Variants in SLC12A1 observed in about 807,000 individuals in gnomAD.
SLC12A1 encodes the protein Na-K-2Cl cotransporter.
A neutral mutation model predicts 130.4 loss-of-function variants in SLC12A1; 89 were observed. The observed-to-expected ratio is 0.68, with a 90% CI of 0.58 to 0.81. SLC12A1 has a LOEUF of 0.81. Ranked by LOEUF, SLC12A1 falls within the 40% of genes least tolerant of loss-of-function variation. The probability of loss-of-function intolerance (pLI) is 0.00; values close to 1 mark genes in which losing one functional copy is unlikely to be tolerated. For synonymous variants in SLC12A1, 499 were observed against 460.0 expected (o/e 1.08, Z -1.09); for missense variants, 1,310 against 1,336.4 (o/e 0.98, Z 0.31).
chr15:48,208,192 A>G, intron 2 of SLC12A1, 53 bp downstream of exon 2: 1 of 1,493,840 alleles, frequency 6.7e-7, no homozygotes, highest in East Asian at 2.3e-5. Flanking sequence ...ACTTCAGATA[A>G]TTTCCTTCTC....
intron 14 of SLC12A1, among the ~76,000 whole-genome samples, chr15:48,250,113 G>C (rs1176608712): frequency 6.6e-6 from 1 of 152,226 alleles, no homozygotes; most frequent in East Asian, 1.9e-4. Flanking sequence ...AGGCAATGTA[G>C]ACAGGCTGCA....
chr15:48,301,502 T>TTTGAGGGG, intron 26 of SLC12A1, 120 bp downstream of exon 26: 1 of 429,450 alleles, frequency 2.3e-6, no homozygotes, highest in South Asian at 3.6e-5. Flanking sequence ...GTGTTTTTTT[T>TTTGAGGGG]GGGGGGGGGA....
intron 20 of SLC12A1, among the ~76,000 whole-genome samples, chr15:48,280,087 G>C (rs901790009): frequency 2.0e-5 from 3 of 146,446 alleles, no homozygotes; most frequent in African/African-American, 7.5e-5. Flanking sequence ...TCTGGTGTCA[G>C]ATAATTAACG....
chr15:48,209,104 C>T (rs1225822583), intron 2 of SLC12A1, among the ~76,000 whole-genome samples: 1 of 152,158 alleles, frequency 6.6e-6, no homozygotes, highest in East Asian at 1.9e-4. Context: ...TCTTGTTGCC[C>T]GGGCTGGAGT....
intron 18 of SLC12A1, 126 bp from the exon 19 acceptor site, chr15:48,269,532 A>C (rs554351468): frequency 1.7e-5 from 9 of 526,636 alleles, no homozygotes; most frequent in African/African-American, 1.5e-4. Flanking sequence ...CATGCACTAA[A>C]ATGTAATCTA....
chr15:48,209,736 T>C (rs2041029875), intron 2 of SLC12A1, among the ~76,000 whole-genome samples: 1 of 152,150 alleles, frequency 6.6e-6, no homozygotes, highest in Non-Finnish European at 1.5e-5. Context: ...AAAATCCATC[T>C]CCAAATCGTA....
intron 25 of SLC12A1, among the ~76,000 whole-genome samples, chr15:48,299,875 G>C (rs569196137): frequency 6.6e-6 from 1 of 152,110 alleles, no homozygotes; most frequent in South Asian, 2.1e-4. Context: ...AGGGCAGGGG[G>C]TCAACAACTA....
intron 17 of SLC12A1, among the ~76,000 whole-genome samples, chr15:48,261,462 A>G (rs946680449): frequency 2.0e-5 from 3 of 152,196 alleles, no homozygotes; most frequent in African/African-American, 7.2e-5. Flanking sequence ...CTCTCCATGC[A>G]GGGCCCAAGA....
At chr15:48,264,568 A>G (rs1409996539) in intron 17 of SLC12A1, among the ~76,000 whole-genome samples, 1 of 152,192 alleles carries the variant, frequency 6.6e-6, no homozygotes, top group Non-Finnish European at 1.5e-5. Flanking sequence ...TGTTAATAAA[A>G]TAGTGACATG....
At chr15:48,298,045 AAGGCTCACTAGT>A (rs1228622600) in intron 24 of SLC12A1, among the ~76,000 whole-genome samples, 2 of 152,246 alleles carry the variant, frequency 1.3e-5, no homozygotes, top group African/African-American at 4.8e-5. Context: ...TCTCTTAACA[AAGGCTCACTAGT>A]AGGGACAATC....
At chr15:48,275,657 T>A (rs1335967426) in intron 20 of SLC12A1, among the ~76,000 whole-genome samples, 2 of 152,024 alleles carry the variant, frequency 1.3e-5, no homozygotes, top group African/African-American at 4.8e-5. Context: ...AGGAAAGCAT[T>A]TGTAAAGGTG....
chr15:48,256,830 C>T lies in SLC12A1; in HGVS notation c.2042+920C>T, dbSNP rs946267066. 4.1e-5 allele frequency among the ~76,000 whole-genome samples: 6 copies of T among 144,650 alleles called. 2 individuals carry two copies. The East Asian group carries it at 1.0e-3, about 24-fold the overall frequency. 94.9% of individuals were successfully genotyped at this position (144,650 alleles called of 152,430 possible). A position where few individuals can be genotyped will look rare whatever the true frequency, so the allele number is the denominator to read the frequency against. On this transcript the variant is annotated intron_variant, in intron 16 of 26. Transcript: ENST00000380993. Reference sequence around the variant, plus strand: ...ATATCATTCCATCCCTGGCCCCCCCCCCCAAATTTCTTGTCCTCACATTTC... The same window carrying T: ...ATATCATTCCATCCCTGGCCCCCCCTCCCAAATTTCTTGTCCTCACATTTC...
chr15:48,213,263 G>A (rs1253130162), intron 2 of SLC12A1, among the ~76,000 whole-genome samples: 1 of 152,110 alleles, frequency 6.6e-6, no homozygotes. Flanking sequence ...TGTAGAGAAT[G>A]GTGGGACTCA....
chr15:48,296,276 C>A (rs565307677), intron 24 of SLC12A1, among the ~76,000 whole-genome samples: 1 of 152,152 alleles, frequency 6.6e-6, no homozygotes, highest in African/African-American at 2.4e-5. Flanking sequence ...TTTTGACTAC[C>A]CATAAAACAT....
intron 16 of SLC12A1, 136 bp from the exon 17 acceptor site, chr15:48,259,064 T>G: frequency 1.6e-6 from 1 of 611,314 alleles, no homozygotes. Context: ...AGAATACTGG[T>G]GCGAAACCCA....
At chr15:48,221,657 T>C (rs1248155555) in intron 4 of SLC12A1, among the ~76,000 whole-genome samples, 2 of 152,224 alleles carry the variant, frequency 1.3e-5, no homozygotes, top group Non-Finnish European at 2.9e-5. Flanking sequence ...CTATTTTAAA[T>C]ATTATTTCTT....
chr15:48,227,160 G>A, intron 5 of SLC12A1: 1 of 1,549,698 alleles, frequency 6.5e-7, no homozygotes, highest in Non-Finnish European at 8.7e-7. Context: ...TGCACGAATG[G>A]AGTAGTAAGA....
intron 17 of SLC12A1, 62 bp downstream of exon 17, chr15:48,259,373 G>C (rs1400153216): frequency 8.7e-7 from 1 of 1,152,384 alleles, no homozygotes; most frequent in Non-Finnish European, 1.3e-6. Context: ...GATTATTTTG[G>C]GTGAGGAGAA....
At position 48,246,036 on chromosome 15, in the gene SLC12A1, A is replaced by C. The variant is rs2041576045; in HGVS notation, c.1453-873A>C. Among the ~76,000 whole-genome samples the C allele has an allele frequency of 6.6e-5, 10 of 152,244 alleles. No homozygotes were observed. The South Asian group carries it at 2.1e-3, about 31-fold the overall frequency. On this transcript the variant is annotated intron_variant, in intron 11 of 26. Coordinates refer to ENST00000380993, the MANE Select transcript of SLC12A1 (RefSeq NM_000338.3). ...GTCTGCATGATTGGTGAGCAGAGGG[A>C]GAAGTAAATTTGTCGCGAAAGCTTC...
Sources: gnomAD v4.1 joint callset for allele counts (sites outside exome capture counted in the v4.1 genomes callset) on GRCh38, gnomAD v4.1.1 for gene constraint, MANE v1.5 for transcripts, NCBI Gene and HGNC (gene_info 2026-07-23, HGNC 2026-07-21) for gene names.